The following TMEM176B variants were observed in gnomAD, a reference collection of about 807,000 sequenced individuals.
TMEM176B encodes transmembrane protein 176B.
In TMEM176B, 28 loss-of-function variants were observed where a neutral mutation model predicts 30.3. The observed-to-expected ratio is 0.92, with a 90% CI of 0.68 to 1.27. TMEM176B has a LOEUF of 1.27. Ranked by LOEUF, TMEM176B falls within the 50% of genes most tolerant of loss-of-function variation. The pLI, the probability that TMEM176B is intolerant of heterozygous loss-of-function variation, is 0.00. For missense variants in TMEM176B, 349 were observed against 327.4 expected (o/e 1.07, Z -0.51); for synonymous variants, 123 against 130.3 (o/e 0.94, Z 0.38).
chr7:150,800,808 C>T (rs1798752779), upstream of TMEM176B: 1 of 542,676 alleles, frequency 1.8e-6, no homozygotes, highest in Non-Finnish European at 2.3e-6. Flanking sequence ...GCCGCCCGCT[C>T]GCAGGTCCCG....
chr7:150,792,115 A>T lies in TMEM176B; in HGVS notation c.661T>A (p.Ser221Thr). The T allele has an allele frequency of 6.2e-7, 1 of 1,614,020 alleles. No individual in the cohort carries two copies. The highest frequency in any genetic ancestry group is 1.1e-5 in the South Asian group (1 of 91,068). The change falls in exon 6 of 7, where the codon TCC (serine) becomes ACC (threonine). Residue 221 changes from serine to threonine, a missense_variant. Transcript: ENST00000326442. ...LAVCVLKVIVSLVSLGVGLRN... is the reference protein window; with the variant it reads ...LAVCVLKVIVTLVSLGVGLRN... ...AGACCTACTCCCAAGGAAACCAAGGACACAATGACCTTCAAGACACAGACA... is the reference window on the plus strand; with the variant it reads ...AGACCTACTCCCAAGGAAACCAAGGTCACAATGACCTTCAAGACACAGACA...
In TMEM176B at chr7:150,792,194, C is replaced by A. The variant is rs1202764481; in HGVS notation, c.601-19G>T. ...ACAACTTCTGGAGATAAGGGAAGAA[C>A]AAAGATAGTCAGGTGTCAGCTACTC... On this transcript the variant is annotated intron_variant, in intron 5 of 6. Transcript: ENST00000326442. 4 of 1,611,658 alleles carry A rather than the reference C, an allele frequency of 2.5e-6. No individual in the cohort carries two copies. The highest frequency in any genetic ancestry group is 3.4e-6 in the Non-Finnish European group (4 of 1,178,766).
intron 4 of TMEM176B, 62 bp from the exon 5 acceptor site, chr7:150,793,377 C>A (rs1798395148): frequency 1.3e-6 from 2 of 1,540,422 alleles, no homozygotes; most frequent in Admixed American, 1.9e-5. Context: ...CATGAGGTCC[C>A]CGCCTCAAAT....
chr7:150,801,007 G>T, upstream of TMEM176B: 1 of 985,834 alleles, frequency 1.0e-6, no homozygotes, highest in Non-Finnish European at 1.2e-6. Flanking sequence ...GCACCGCAGC[G>T]CGGTCCTTCA....
At chr7:150,794,763 T>G (rs61057705) in intron 2 of TMEM176B, among the ~76,000 whole-genome samples, 58,290 of 151,622 alleles carry the variant, frequency 0.38, 11,552 homozygotes, top group East Asian at 0.53. Flanking sequence ...CTCTTTTCAT[T>G]TCATAGGTGT....
At chr7:150,798,100 T>G (rs1798595635) in intron 1 of TMEM176B, among the ~76,000 whole-genome samples, 2 of 152,180 alleles carry the variant, frequency 1.3e-5, no homozygotes, top group Admixed American at 6.5e-5. Flanking sequence ...AATTTACACA[T>G]TTGTGCAATT....
intron 2 of TMEM176B, 150 bp from the exon 3 acceptor site, chr7:150,794,221 G>A: frequency 1.7e-6 from 1 of 587,010 alleles, no homozygotes; most frequent in Non-Finnish European, 3.0e-6. Context: ...GGAAGATTCT[G>A]TCCCCTTAAA....
In TMEM176B at chr7:150,794,012, C is replaced by T. The variant is rs528318428; in HGVS notation, c.264G>A (p.Gly88=). Residue 88 remains glycine (G), a synonymous_variant, in exon 3 of 7, where the codon GGG becomes GGA. Transcript: ENST00000326442. ...CTGAGGCACTCAGCACAGTCCAGGGCCCCAAGCTGAGACACACTCCAAGAA... is the reference window on the plus strand; with the variant it reads ...CTGAGGCACTCAGCACAGTCCAGGGTCCCAAGCTGAGACACACTCCAAGAA... ...SCVLGVCLSL[G]PWTVLSASGC... is the part of the protein sequence containing the mutation. 5.0e-6 allele frequency: 8 copies of T among 1,614,004 alleles called. No individual in the cohort carries two copies. The East Asian group carries it at 6.7e-5, about 13-fold the overall frequency.
intron 1 of TMEM176B, among the ~76,000 whole-genome samples, chr7:150,797,174 C>G (rs1798562658): frequency 6.6e-6 from 1 of 152,184 alleles, no homozygotes; most frequent in African/African-American, 2.4e-5. Flanking sequence ...GTAATATTAT[C>G]AGTCTCTTAT....
Position 150,796,449 on chromosome 7 carries a change from C to A in TMEM176B, c.121G>T (p.Gly41Cys). 3 of 1,614,222 alleles carry A rather than the reference C, an allele frequency of 1.9e-6. No individual in the cohort carries two copies. In the South Asian group the frequency reaches 3.3e-5, roughly 18 times the overall value. ...SALTQLLKAG[G>C]SLKKFLFHPG... ...TGAAAAAGAAACTTCTTCAGAGAAC[C>A]TCCAGCTTTCAGCAGTTGTGTCAAA... Residue 41 changes from glycine (G) to cysteine (C), a missense_variant, in exon 2 of 7, where the codon GGT (glycine) becomes TGT (cysteine). Gly to Cys is a radical substitution (Grantham distance 159). Transcript: ENST00000326442.
intron 1 of TMEM176B, among the ~76,000 whole-genome samples, chr7:150,797,520 A>T (rs1284060258): frequency 6.6e-6 from 1 of 152,256 alleles, no homozygotes; most frequent in Non-Finnish European, 1.5e-5. Context: ...TGAGGTGATC[A>T]TCCTTGGCTA....
upstream of TMEM176B, chr7:150,801,165 G>A: frequency 4.5e-6 from 1 of 220,026 alleles, no homozygotes; most frequent in Non-Finnish European, 8.0e-6. Flanking sequence ...ACTCGGTCCT[G>A]TCCCAGAGCC....
upstream of TMEM176B, chr7:150,801,271 GGGA>G (rs555037666): frequency 1.0e-4 from 37 of 352,968 alleles, no homozygotes; most frequent in South Asian, 2.5e-3. Context: ...CCAGGGCCCT[GGGA>G]GGAGGATGAG....
intron 5 of TMEM176B, 97 bp downstream of exon 5, chr7:150,792,991 A>C: frequency 1.7e-6 from 2 of 1,203,782 alleles, no homozygotes; most frequent in East Asian, 4.7e-5. Flanking sequence ...ATGAAGTCCA[A>C]GCTCAAAGAG....
chr7:150,791,751 G>C, intron 6 of TMEM176B, 128 bp from the exon 7 acceptor site: 2 of 844,624 alleles, frequency 2.4e-6, no homozygotes, highest in Non-Finnish European at 1.7e-6. Context: ...AGCAGATCAG[G>C]CAAAAAAAAA....
rs376451849 is a variant in TMEM176B at position 150,792,087 on chromosome 7, C to T, written c.689G>A (p.Arg230Gln). 66 of 1,613,892 alleles carry T rather than the reference C, an allele frequency of 4.1e-5. No individual in the cohort carries two copies. In the East Asian group the frequency reaches 1.4e-3, roughly 34 times the overall value. ...VSLVSLGVGL[R>Q]NLCGQSSQPL... ...CTGGGAGCTCTGGCCACACAAGTTT[C>T]GAAGACCTACTCCCAAGGAAACCAA... Residue 230 changes from arginine (R) to glutamine (Q), a missense_variant, in exon 6 of 7, where the codon CGA becomes CAA. Coordinates refer to ENST00000326442, the MANE Select transcript of TMEM176B (RefSeq NM_001101312.2).
intron 5 of TMEM176B, 92 bp from the exon 6 acceptor site, chr7:150,792,267 C>G (rs1798345754): frequency 6.5e-7 from 1 of 1,531,914 alleles, no homozygotes. Context: ...GGCACTGACT[C>G]TATCCAGCTT....
upstream of TMEM176B, chr7:150,801,218 G>T (rs868298738): frequency 3.6e-4 from 82 of 228,284 alleles, no homozygotes; most frequent in Middle Eastern, 7.1e-3. Flanking sequence ...CCCGGGAGGA[G>T]GGGGTGAGGG....
intron 3 of TMEM176B, 59 bp downstream of exon 3, chr7:150,793,902 C>G: frequency 7.1e-7 from 1 of 1,403,462 alleles, no homozygotes; most frequent in Non-Finnish European, 9.8e-7. Context: ...GATCCATAAG[C>G]GCCTTCTTGC....
Sources: allele counts gnomAD v4.1 joint callset (sites outside exome capture counted in the v4.1 genomes callset), GRCh38; gene constraint gnomAD v4.1.1; transcripts MANE v1.5; gene names NCBI Gene and HGNC (gene_info 2026-07-23, HGNC 2026-07-21).